The following PTPRB variants were observed in gnomAD, a reference collection of about 807,000 sequenced individuals.
The protein encoded by PTPRB is receptor-type tyrosine-protein phosphatase beta.
In PTPRB, 97 loss-of-function variants were observed where a neutral mutation model predicts 238.1. That is an observed-to-expected ratio of 0.41 (90% CI 0.35 to 0.48). The LOEUF is 0.48. Ranked by LOEUF, PTPRB falls within the 20% of genes least tolerant of loss-of-function variation. PTPRB has a pLI of 0.30. For missense variants in PTPRB, 2,292 were observed against 2,681.9 expected (o/e 0.85, Z 3.21); for synonymous variants, 970 against 995.4 (o/e 0.97, Z 0.48).
intron 16 of PTPRB, among the ~76,000 whole-genome samples, chr12:70,561,423 C>T (rs1878467981): frequency 6.6e-6 from 1 of 152,134 alleles, no homozygotes; most frequent in Admixed American, 6.5e-5. Flanking sequence ...GAAGTGTTAA[C>T]AGTCACTCCT....
At chr12:70,536,239 T>C in intron 28 of PTPRB, 80 bp from the exon 29 acceptor site, 2 of 1,473,048 alleles carry the variant, frequency 1.4e-6, no homozygotes, top group Non-Finnish European at 9.2e-7. Context: ...TCAGATTAGA[T>C]GATAGGGAGG....
At chr12:70,536,252 T>G in intron 28 of PTPRB, 93 bp from the exon 29 acceptor site, 1 of 1,388,098 alleles carries the variant, frequency 7.2e-7, no homozygotes, top group Non-Finnish European at 9.8e-7. Flanking sequence ...TAGGGAGGTC[T>G]CTGCCAAGTC....
intron 10 of PTPRB, among the ~76,000 whole-genome samples, chr12:70,579,121 C>T (rs1030322571): frequency 5.3e-5 from 8 of 152,174 alleles, no homozygotes; most frequent in African/African-American, 1.9e-4. Context: ...GTGACTGATA[C>T]AACTGCAAAT....
At chr12:70,580,005 C>T (rs2136417545) in intron 10 of PTPRB, among the ~76,000 whole-genome samples, 1 of 151,962 alleles carries the variant, frequency 6.6e-6, no homozygotes, top group East Asian at 1.9e-4. Context: ...TAGACAAGGT[C>T]CCACTAATAA....
At chr12:70,608,839 C>A in intron 4 of PTPRB, 1 of 606,044 alleles carries the variant, frequency 1.7e-6, no homozygotes, top group Non-Finnish European at 2.8e-6. Flanking sequence ...CCCACCCCGA[C>A]CCTTTCAGTA....
chr12:70,637,417 T>G lies in PTPRB; in HGVS notation c.-22A>C. The G allele has an allele frequency of 6.3e-7, 1 of 1,598,890 alleles. No homozygotes were observed. On this transcript the variant is annotated 5_prime_UTR_variant, in exon 1 of 34. An upstream start codon of the reference 5' UTR is lost. Transcript: ENST00000334414. ...CCATTTTCCACTTAGCAACTGTTCA[T>G]GCTTCGCTTGGGGAAAAAAAAAATT...
In PTPRB at chr12:70,635,868, T is replaced by C; in HGVS notation, c.254A>G (p.Asp85Gly). The C allele has an allele frequency of 1.9e-6, 3 of 1,613,712 alleles. No homozygotes were observed. Among genetic ancestry groups the C allele is most frequent in the Non-Finnish European group, 2.5e-6 (3 of 1,179,802 alleles). ...SRGPSRSAIL[D>G]RCSQAPRWTC... ...CCATCGGGGTGCCTGGGAACAGCGGTCCAAGATGGCTGAGCGGGAGGGGCC... is the reference window on the plus strand; with the variant it reads ...CCATCGGGGTGCCTGGGAACAGCGGCCCAAGATGGCTGAGCGGGAGGGGCC... The change falls in exon 2 of 34, where the codon GAC (aspartate) becomes GGC (glycine). Residue 85 changes from aspartate (D) to glycine (G), a missense_variant. This residue lies in a region of PTPRB where 1,205 missense variants were observed against 1,287.8 expected (regional missense o/e 0.94). Transcript: ENST00000334414.
At chr12:70,622,773 T>A in intron 2 of PTPRB, 127 bp from the exon 3 acceptor site, 2 of 1,147,398 alleles carry the variant, frequency 1.7e-6, no homozygotes, top group Non-Finnish European at 2.4e-6. Context: ...TTCAGTTATA[T>A]GAAAAAGCAA....
chr12:70,522,844 ATTC>A (rs1369806226), intron 33 of PTPRB, among the ~76,000 whole-genome samples: 1 of 143,862 alleles, frequency 7.0e-6, no homozygotes, highest in African/African-American at 2.6e-5. Flanking sequence ...CAAAAATAGC[ATTC>A]TTTTGTTTGT....
intron 32 of PTPRB, chr12:70,527,769 C>G (rs1872629412): frequency 6.6e-6 from 1 of 152,128 alleles, no homozygotes; most frequent in Non-Finnish European, 1.5e-5. Context: ...ACCATGGACC[C>G]AGAAAAATAA....
At chr12:70,523,143 T>G (rs1871864182) in intron 33 of PTPRB, among the ~76,000 whole-genome samples, 1 of 152,156 alleles carries the variant, frequency 6.6e-6, no homozygotes. Context: ...ATTACAGTCT[T>G]GAGCCACTAT....
chr12:70,632,380 A>C (rs1459835740), intron 2 of PTPRB, among the ~76,000 whole-genome samples: 1 of 151,914 alleles, frequency 6.6e-6, no homozygotes, highest in Admixed American at 6.6e-5. Context: ...TTGAACAACG[A>C]GAACACTTGG....
chr12:70,536,177 T>A lies in PTPRB; in HGVS notation c.5947-18A>T, dbSNP rs761819090. ...TTGTTGCCCTGCAATGAATTTACAA[T>A]ATGGAGAGTCAGAAACAATGGGCCT... On this transcript the variant is annotated intron_variant, in intron 28 of 33. Coordinates refer to ENST00000334414, the MANE Select transcript of PTPRB (RefSeq NM_001109754.4). 6 of 1,608,814 alleles carry A rather than the reference T, an allele frequency of 3.7e-6. No individual in the cohort carries two copies.
intron 3 of PTPRB, among the ~76,000 whole-genome samples, chr12:70,621,942 T>C (rs569332237): frequency 2.6e-5 from 4 of 152,312 alleles, no homozygotes; most frequent in African/African-American, 9.6e-5. Flanking sequence ...TACGTGACTT[T>C]TGTTTATCTT....
chr12:70,619,192 G>GTGTGTGTA lies in PTPRB; in HGVS notation c.708+3197_708+3198insTACACACA, dbSNP rs952702211. On this transcript the variant is annotated intron_variant, in intron 3 of 33. Coordinates refer to ENST00000334414, the MANE Select transcript of PTPRB (RefSeq NM_001109754.4). Reference sequence around the variant, plus strand: ...TGTGTGTGTGTGTGTGTGTGTGTGTGTATACTCTTCTTGGTCTGTTATTCC... The same window carrying GTGTGTGTA: ...TGTGTGTGTGTGTGTGTGTGTGTGTGTGTGTGTATATACTCTTCTTGGTCTGTTATTCC... 6.7e-5 allele frequency among the ~76,000 whole-genome samples: 10 copies of GTGTGTGTA among 149,834 alleles called. No homozygotes were observed. In the East Asian group the frequency reaches 7.8e-4, roughly 12 times the overall value.
intron 16 of PTPRB, 95 bp from the exon 17 acceptor site, chr12:70,561,029 G>C: frequency 7.8e-7 from 1 of 1,286,634 alleles, no homozygotes; most frequent in Non-Finnish European, 1.1e-6. Context: ...GCATGTGGGT[G>C]AGTCGTACAT....
rs776441382 is a variant in PTPRB at position 70,555,149 on chromosome 12, T to C, written c.5143+11A>G. On this transcript the variant is annotated intron_variant, in intron 20 of 33. Coordinates refer to ENST00000334414, the MANE Select transcript of PTPRB (RefSeq NM_001109754.4). ...TGTGTCTCAGAGTGGAGTTAACTCA[T>C]GATAACTTACCATCAGCCTCTCTCA... is the stretch of plus-strand genomic sequence containing the variant. 270 of 1,612,668 alleles carry C rather than the reference T, an allele frequency of 1.7e-4. No homozygotes were observed. Among genetic ancestry groups the C allele is most frequent in the Non-Finnish European group, 2.2e-4 (262 of 1,179,262 alleles).
intron 18 of PTPRB, among the ~76,000 whole-genome samples, chr12:70,558,038 T>C (rs1422073470): frequency 6.6e-6 from 1 of 152,210 alleles, no homozygotes; most frequent in African/African-American, 2.4e-5. Context: ...GGGGGACTGA[T>C]GCATACTGTT....
At chr12:70,610,031 G>T (rs1002400029) in intron 3 of PTPRB, among the ~76,000 whole-genome samples, 36 of 152,010 alleles carry the variant, frequency 2.4e-4, no homozygotes, top group African/African-American at 8.7e-4. Flanking sequence ...AGGCGGCGGG[G>T]ACAGGCAGCG....
Sources: gnomAD v4.1 joint callset for allele counts (sites outside exome capture counted in the v4.1 genomes callset) on GRCh38, gnomAD v4.1.1 for gene constraint, gnomAD v4.1.1 regional missense constraint, MANE v1.5 for transcripts, NCBI Gene and HGNC (gene_info 2026-07-23, HGNC 2026-07-21) for gene names.